Variants in MRPL34 observed in about 807,000 individuals in gnomAD.
MRPL34 encodes the protein mitochondrial ribosomal protein L34.
Under a neutral mutation model 6.7 loss-of-function variants are expected in MRPL34, and 8 were observed. The observed-to-expected ratio is 1.20, with a 90% CI of 0.70 to 2.16. The LOEUF (loss-of-function observed/expected upper bound fraction) is 2.16. MRPL34 is among the 30% of genes most tolerant of loss of function. The pLI is 0.00. For missense variants in MRPL34, 146 were observed against 125.5 expected (o/e 1.16, Z -0.78); for synonymous variants, 59 against 55.1 (o/e 1.07, Z -0.31).
At chr19:17,305,379 C>T (rs2074140962), upstream of MRPL34, among the ~76,000 whole-genome samples, 1 of 152,106 alleles carries the variant, frequency 6.6e-6, no homozygotes, top group Non-Finnish European at 1.5e-5. Flanking sequence ...GCAGGGACCA[C>T]CCCAAGGACA....
chr19:17,297,526 C>A (rs1332402901), intron 1 of MRPL34, among the ~76,000 whole-genome samples: 1 of 152,048 alleles, frequency 6.6e-6, no homozygotes, highest in Non-Finnish European at 1.5e-5. Flanking sequence ...GAACTCCTGA[C>A]CTTGTGATCC....
upstream of MRPL34, among the ~76,000 whole-genome samples, chr19:17,304,144 G>A (rs2074135309): frequency 6.6e-6 from 1 of 152,202 alleles, no homozygotes; most frequent in African/African-American, 2.4e-5. Context: ...TGGGTAATTA[G>A]AGAGTTTGAA....
At chr19:17,301,929 G>A (rs543954554), upstream of MRPL34, among the ~76,000 whole-genome samples, 2 of 152,126 alleles carry the variant, frequency 1.3e-5, no homozygotes, top group Non-Finnish European at 2.9e-5. Flanking sequence ...GAGTAGCTGG[G>A]ATTATAGGCA....
At chr19:17,302,458 A>G (rs2074125055), upstream of MRPL34, among the ~76,000 whole-genome samples, 1 of 152,190 alleles carries the variant, frequency 6.6e-6, no homozygotes, top group South Asian at 2.1e-4. Flanking sequence ...TAAGGCATCT[A>G]AAATATGCAA....
upstream of MRPL34, chr19:17,301,288 G>A (rs1035930909): frequency 3.7e-6 from 6 of 1,606,714 alleles, no homozygotes; most frequent in East Asian, 1.3e-4. Context: ...CGGCTCCCCA[G>A]AGCCATTCTG....
rs537139145 is a variant in MRPL34, at chr19:17,292,909, A to G, written c.214+55A>G. ...CCAGGCTTCCCTGGGACTCCGCCAT[A>G]CACACATGGCCCACAGCATCCAAAA... is the stretch of plus-strand genomic sequence containing the variant. On this transcript the variant is annotated intron_variant, in intron 1 of 2. Transcript: ENST00000595444. The G allele has an allele frequency of 6.7e-5, 99 of 1,478,864 alleles. 1 individual carries two copies. In the South Asian group the frequency reaches 1.2e-3, roughly 17 times the overall value. 91.6% of individuals were successfully genotyped at this position (1,478,864 alleles called of 1,614,324 possible).
intron 1 of MRPL34, chr19:17,292,878 G>A (rs1250144588): frequency 1.9e-6 from 3 of 1,580,396 alleles, no homozygotes; most frequent in Non-Finnish European, 1.7e-6. Flanking sequence ...AGAGGGTGGA[G>A]AGAGGCCAGG....
intron 1 of MRPL34, chr19:17,294,179 G>A (rs1599521921): frequency 7.3e-7 from 1 of 1,368,368 alleles, no homozygotes; most frequent in Non-Finnish European, 9.8e-7. Flanking sequence ...GCCCCCTCGG[G>A]AAGAAAGCAC....
rs2074146776 is a variant in MRPL34, at chr19:17,306,190, G to A, written c.90G>A (p.Leu30=). The A allele has an allele frequency of 5.2e-6, 8 of 1,541,546 alleles. No individual in the cohort carries two copies. The East Asian group carries it at 2.0e-4, about 38-fold the overall frequency. ...GGTGGCTCCAGCCCCGGGCCTGGCT[G>A]GGGTTCCCAGACGCCTGGGGCCTCC... ...GGRWLQPRAW[L]GFPDAWGLPT... Residue 30 remains leucine (L), a synonymous_variant, in exon 2 of 2, where the codon CTG becomes CTA. Transcript: ENST00000252602.
chr19:17,293,544 T>C (rs930147730), intron 1 of MRPL34, among the ~76,000 whole-genome samples: 9 of 152,048 alleles, frequency 5.9e-5, no homozygotes, highest in Non-Finnish European at 8.8e-5. Flanking sequence ...GCAGCATCCC[T>C]GGCCTCCACC....
At chr19:17,301,771 T>C (rs1599526292), upstream of MRPL34, 1 of 902,268 alleles carries the variant, frequency 1.1e-6, no homozygotes, top group Non-Finnish European at 1.5e-6. Flanking sequence ...CTGAGATTTT[T>C]TTGTTTGTGT....
upstream of MRPL34, chr19:17,301,517 TGTAG>T: frequency 6.2e-7 from 1 of 1,610,684 alleles, no homozygotes. Context: ...TCTACAAAGG[TGTAG>T]CCATCGCTGG....
At chr19:17,299,314 C>A (rs187989448), upstream of MRPL34, among the ~76,000 whole-genome samples, 1 of 148,642 alleles carries the variant, frequency 6.7e-6, no homozygotes, top group Admixed American at 6.7e-5. Context: ...GTAATCCCAG[C>A]GCTTTGGGAG....
chr19:17,294,844 C>T, intron 1 of MRPL34: 2 of 1,613,636 alleles, frequency 1.2e-6, no homozygotes, highest in Non-Finnish European at 1.7e-6. Context: ...CAGAAAGAGA[C>T]ACTGCCCGGA....
chr19:17,300,517 G>A (rs2074112515), upstream of MRPL34, among the ~76,000 whole-genome samples: 2 of 151,980 alleles, frequency 1.3e-5, no homozygotes, highest in Admixed American at 6.6e-5. Flanking sequence ...TCCCTCTGTC[G>A]CCCAGGCTGG....
intron 1 of MRPL34, among the ~76,000 whole-genome samples, chr19:17,293,349 G>T (rs1407305444): frequency 6.6e-6 from 1 of 151,640 alleles, no homozygotes; most frequent in Non-Finnish European, 1.5e-5. Context: ...TGCCCGCCTC[G>T]GTCTCCCAAA....
At position 17,306,326 on chromosome 19, in the gene MRPL34, G is replaced by C; in HGVS notation, c.226G>C (p.Val76Leu). The change falls in exon 2 of 2, where the codon GTG becomes CTG. Residue 76 changes from valine (V) to leucine (L), a missense_variant. Physicochemically the swap from Val to Leu is conservative, Grantham distance 32. Transcript: ENST00000252602. ...WVRRLSTPAG[V>L]QVILRRMLKG... is the part of the protein sequence containing the mutation. The stretch of plus-strand genomic sequence containing the variant: ...CCGGCGCCTGAGCACGCCGGCCGGC[G>C]TGCAGGTCATCCTTCGCCGAATGCT... 6.2e-7 allele frequency: 1 copy of C among 1,610,282 alleles called. No homozygotes were observed. The highest frequency in any genetic ancestry group is 8.5e-7 in the Non-Finnish European group (1 of 1,179,278).
chr19:17,305,872 A>C lies in MRPL34; in HGVS notation c.-21A>C, dbSNP rs1270906436. The C allele has an allele frequency of 6.2e-7, 1 of 1,612,346 alleles. No homozygotes were observed. The highest frequency in any genetic ancestry group is 8.5e-7 in the Non-Finnish European group (1 of 1,178,470). On this transcript the variant is annotated 5_prime_UTR_variant, in exon 1 of 2. Coordinates refer to ENST00000252602, the MANE Select transcript of MRPL34 (RefSeq NM_023937.4). ...GGCTCCGGAATCGCCCGCAGCCGGT[A>C]CTGCGGGACCCACTGCGGATATGGC...
upstream of MRPL34, chr19:17,298,094 T>C (rs953319256): frequency 6.6e-6 from 1 of 151,376 alleles, no homozygotes; most frequent in Non-Finnish European, 1.5e-5. Flanking sequence ...TTTTTTTGTA[T>C]TTTTTAGTAG....
Sources: allele counts gnomAD v4.1 joint callset (sites outside exome capture counted in the v4.1 genomes callset), GRCh38; gene constraint gnomAD v4.1.1; transcripts MANE v1.5; gene names NCBI Gene and HGNC (gene_info 2026-07-23, HGNC 2026-07-21).